Variants in CACNA2D2 observed in about 807,000 individuals in gnomAD.
The protein encoded by CACNA2D2 is calcium voltage-gated channel auxiliary subunit alpha2delta 2.
CACNA2D2 carries 48 observed loss-of-function variants against 166.4 expected under a neutral mutation model. The observed-to-expected ratio is 0.29, with a 90% CI of 0.23 to 0.37. The LOEUF (loss-of-function observed/expected upper bound fraction) is 0.37. Among genes scored for constraint, CACNA2D2 ranks in the 10% least tolerant of loss-of-function variants. CACNA2D2 has a pLI of 1.00. For synonymous variants in CACNA2D2, 561 were observed against 573.7 expected, an observed-to-expected ratio of 0.98 and a Z score of 0.32; for missense variants, 1,122 against 1,433.0, an observed-to-expected ratio of 0.78 and a Z score of 3.50.
chr3:50,382,535 T>C (rs1382939142), intron 6 of CACNA2D2, among the ~76,000 whole-genome samples: 1 of 152,254 alleles, frequency 6.6e-6, no homozygotes, highest in Non-Finnish European at 1.5e-5. Flanking sequence ...TGTCTGTTCC[T>C]GTGGCTTCCC....
chr3:50,373,200 T>A, intron 22 of CACNA2D2: 1 of 858,596 alleles, frequency 1.2e-6, no homozygotes, highest in Non-Finnish European at 1.8e-6. Context: ...ATTCAATGGC[T>A]GTTTGAATGA....
chr3:50,470,774 C>T (rs1710045515), intron 2 of CACNA2D2, among the ~76,000 whole-genome samples: 2 of 151,782 alleles, frequency 1.3e-5, no homozygotes, highest in Non-Finnish European at 2.9e-5. Context: ...AGAGAGCAGG[C>T]CGGGTTGGGG....
chr3:50,501,952 A>G (rs556640496), intron 1 of CACNA2D2, among the ~76,000 whole-genome samples: 18 of 152,304 alleles, frequency 1.2e-4, no homozygotes, highest in South Asian at 4.1e-4. Context: ...TAATTTGCCA[A>G]CTGATCACCT....
At chr3:50,437,310 C>CTT (rs1424869630) in intron 2 of CACNA2D2, among the ~76,000 whole-genome samples, 1 of 152,210 alleles carries the variant, frequency 6.6e-6, no homozygotes, top group Admixed American at 6.5e-5. Flanking sequence ...CACAGCTATA[C>CTT]TTTGACTCAC....
intron 2 of CACNA2D2, among the ~76,000 whole-genome samples, chr3:50,459,541 C>T (rs1000022429): frequency 1.3e-5 from 2 of 152,330 alleles, no homozygotes; most frequent in African/African-American, 2.4e-5. Flanking sequence ...GGGTGTCACA[C>T]AGGAAGATGA....
intron 2 of CACNA2D2, among the ~76,000 whole-genome samples, chr3:50,467,315 C>T (rs890988570): frequency 6.6e-6 from 1 of 152,206 alleles, no homozygotes; most frequent in Non-Finnish European, 1.5e-5. Context: ...TGCCCCATGC[C>T]TGCTACATCT....
chr3:50,503,080 G>C (rs933260796), intron 1 of CACNA2D2, 138 bp downstream of exon 1: 38 of 393,888 alleles, frequency 9.6e-5, no homozygotes, highest in Non-Finnish European at 1.4e-4. Context: ...GCTTGGGGCC[G>C]TCGCCCCCGG....
intron 1 of CACNA2D2, among the ~76,000 whole-genome samples, chr3:50,496,245 A>C (rs541479007): frequency 6.6e-6 from 1 of 152,342 alleles, no homozygotes; most frequent in South Asian, 2.1e-4. Context: ...ATTTGACTTC[A>C]TATGCACATA....
At chr3:50,368,270 G>A (rs587735930) in intron 23 of CACNA2D2, 35 bp from the exon 24 acceptor site, 1 of 1,371,142 alleles carries the variant, frequency 7.3e-7, no homozygotes, top group African/African-American at 1.4e-5. Flanking sequence ...AGTGGGCTTG[G>A]GGGGCTGGAC....
At chr3:50,472,328 G>A (rs547245467) in intron 2 of CACNA2D2, among the ~76,000 whole-genome samples, 14 of 152,352 alleles carry the variant, frequency 9.2e-5, no homozygotes, top group Admixed American at 2.0e-4. Flanking sequence ...TGACCAGCGC[G>A]CAAGCTATGA....
At chr3:50,433,803 T>C (rs996017573) in intron 3 of CACNA2D2, among the ~76,000 whole-genome samples, 1 of 152,068 alleles carries the variant, frequency 6.6e-6, no homozygotes, top group Non-Finnish European at 1.5e-5. Context: ...GAGGCCCAGA[T>C]GGGGGAGCAG....
chr3:50,423,588 C>G (rs753559078), intron 3 of CACNA2D2, among the ~76,000 whole-genome samples: 1 of 152,256 alleles, frequency 6.6e-6, no homozygotes, highest in African/African-American at 2.4e-5. Context: ...CAGGGAGGGG[C>G]TGGACCCTAG....
In CACNA2D2 at chr3:50,421,421, G is replaced by A. The variant is rs905100683; in HGVS notation, c.405+12892C>T. On this transcript the variant is annotated intron_variant, in intron 3 of 37. Transcript: ENST00000424201. ...TGGTGCAGTTGCCCCCCTCACCCAG[G>A]CCACAGTCACAAGGCTGGGGTGTCA... 1.2e-3 allele frequency among the ~76,000 whole-genome samples: 190 copies of A among 152,256 alleles called. 1 individual carries two copies. The highest frequency in any genetic ancestry group is 7.9e-4 in the Non-Finnish European group (54 of 68,010).
chr3:50,429,349 G>A (rs1476920843), intron 3 of CACNA2D2, among the ~76,000 whole-genome samples: 1 of 152,044 alleles, frequency 6.6e-6, no homozygotes, highest in Non-Finnish European at 1.5e-5. Context: ...ACCTGTGTGA[G>A]GATTCAGAGC....
intron 3 of CACNA2D2, among the ~76,000 whole-genome samples, chr3:50,420,203 G>A (rs1335679407): frequency 6.6e-6 from 1 of 152,264 alleles, no homozygotes; most frequent in Non-Finnish European, 1.5e-5. Context: ...AGAAGGAGGG[G>A]AGCTGATGGG....
Position 50,364,641 on chromosome 3 carries a change from G to T in CACNA2D2, c.*25C>A. ...GGCGAAGAGGCCGGGTGAGGTGGGA[G>T]TGGAGGTGGGGTGGGGCAGGGTGCT... On this transcript the variant is annotated 3_prime_UTR_variant, in exon 38 of 38. Transcript: ENST00000424201. 1 of 1,493,408 alleles carries T rather than the reference G, an allele frequency of 6.7e-7. No individual in the cohort carries two copies. 92.5% of individuals were successfully genotyped at this position (1,493,408 alleles called of 1,614,324 possible). A position where few individuals can be genotyped will look rare whatever the true frequency, so the allele number is the denominator to read the frequency against.
chr3:50,370,256 AG>A, intron 23 of CACNA2D2, 63 bp downstream of exon 23: 1 of 1,101,082 alleles, frequency 9.1e-7, no homozygotes, highest in Non-Finnish European at 1.4e-6. Flanking sequence ...GCAGCAGTGC[AG>A]GAGGTGGGGC....
At chr3:50,403,758 G>A (rs964398752) in intron 3 of CACNA2D2, among the ~76,000 whole-genome samples, 4 of 152,144 alleles carry the variant, frequency 2.6e-5, no homozygotes, top group Admixed American at 6.5e-5. Context: ...GCCATGCTGC[G>A]GTTCCAAAGC....
At position 50,370,392 on chromosome 3, in the gene CACNA2D2, A is replaced by T; in HGVS notation, c.1985-12T>A. On this transcript the variant is annotated splice_polypyrimidine_tract_variant and intron_variant, in intron 22 of 37. Coordinates refer to ENST00000424201, the MANE Select transcript of CACNA2D2 (RefSeq NM_006030.4). ...CAGGAACTCAAAATCTGCAACAGAAACGGGGGGTTATCCGGCGGGGGCTGG... is the reference window on the plus strand; with the variant it reads ...CAGGAACTCAAAATCTGCAACAGAATCGGGGGGTTATCCGGCGGGGGCTGG... The T allele has an allele frequency of 2.0e-6, 2 of 1,025,582 alleles. No individual in the cohort carries two copies. The highest frequency in any genetic ancestry group is 2.7e-6 in the Non-Finnish European group (2 of 733,374). The allele number at this position is 1,025,582 out of a possible 1,614,324, so 63.5% of individuals were successfully genotyped here.
Sources: allele counts gnomAD v4.1 joint callset (sites outside exome capture counted in the v4.1 genomes callset), GRCh38; gene constraint gnomAD v4.1.1; transcripts MANE v1.5; gene names NCBI Gene and HGNC (gene_info 2026-07-23, HGNC 2026-07-21).